The following DAPK1 variants were observed in gnomAD, a reference collection of about 807,000 sequenced individuals.
DAPK1 encodes death associated protein kinase 1.
Under a neutral mutation model 144.9 loss-of-function variants are expected in DAPK1, and 56 were observed. The observed-to-expected ratio is 0.39, with a 90% CI of 0.31 to 0.48. DAPK1 has a LOEUF of 0.48. DAPK1 is among the 20% of genes least tolerant of loss of function. The probability of loss-of-function intolerance (pLI) is 0.95; values close to 1 mark genes in which losing one functional copy is unlikely to be tolerated. For missense variants in DAPK1, 1,454 were observed against 1,875.4 expected (o/e 0.78, Z 4.15); for synonymous variants, 690 against 749.0 (o/e 0.92, Z 1.29).
At chr9:87,563,336 A>G (rs542967604) in intron 2 of DAPK1, among the ~76,000 whole-genome samples, 1 of 152,316 alleles carries the variant, frequency 6.6e-6, no homozygotes, top group Non-Finnish European at 1.5e-5. Flanking sequence ...AGCTCCTTGA[A>G]TGCTTTTGAA....
chr9:87,659,705 C>T (rs1190279421), intron 18 of DAPK1, among the ~76,000 whole-genome samples: 1 of 152,180 alleles, frequency 6.6e-6, no homozygotes, highest in Non-Finnish European at 1.5e-5. Context: ...TGCTCTCCCG[C>T]TTGCCACCGC....
chr9:87,668,441 A>C (rs1587828938), intron 18 of DAPK1, 156 bp from the exon 19 acceptor site: 2 of 663,822 alleles, frequency 3.0e-6, no homozygotes, highest in Admixed American at 4.7e-5. Flanking sequence ...AGGATTGCAC[A>C]GCCAGAGAAA....
intron 21 of DAPK1, among the ~76,000 whole-genome samples, chr9:87,689,737 C>A (rs1298722189): frequency 6.6e-6 from 1 of 152,096 alleles, no homozygotes; most frequent in African/African-American, 2.4e-5. Context: ...ATTCTGTTTT[C>A]CCAGCAGCGT....
intron 2 of DAPK1, among the ~76,000 whole-genome samples, chr9:87,572,234 C>T (rs778541913): frequency 2.0e-5 from 3 of 152,202 alleles, no homozygotes; most frequent in Non-Finnish European, 4.4e-5. Flanking sequence ...TTAACACTTT[C>T]AATCCTCATA....
rs1826767977 is a variant in DAPK1 at position 87,557,667 on chromosome 9, G to A, written c.63-47287G>A. On this transcript the variant is annotated intron_variant, in intron 2 of 25. Coordinates refer to ENST00000408954, the MANE Select transcript of DAPK1 (RefSeq NM_004938.4). ...AAAAATACCTAATCCTTGGCAGGGCGCGGTAGCTTATGCTTATAATCACAG... is the reference window on the plus strand; with the variant it reads ...AAAAATACCTAATCCTTGGCAGGGCACGGTAGCTTATGCTTATAATCACAG... Among the ~76,000 whole-genome samples, 5 of 152,308 alleles carry A rather than the reference G, an allele frequency of 3.3e-5. No individual in the cohort carries two copies. The South Asian group carries it at 1.0e-3, about 32-fold the overall frequency.
chr9:87,605,527 C>CT (rs2118962320), intron 3 of DAPK1, among the ~76,000 whole-genome samples: 1 of 147,966 alleles, frequency 6.8e-6, no homozygotes, highest in South Asian at 2.2e-4. Context: ...CACTCTATTC[C>CT]TTTCCTCTCT....
intron 17 of DAPK1, among the ~76,000 whole-genome samples, chr9:87,652,243 C>T: frequency 7.8e-6 from 1 of 127,900 alleles, no homozygotes; most frequent in South Asian, 2.8e-4. Flanking sequence ...CACCTGATCC[C>T]AGGTCCTGAT....
intron 18 of DAPK1, among the ~76,000 whole-genome samples, chr9:87,663,121 C>G (rs1206942403): frequency 6.6e-6 from 1 of 152,066 alleles, no homozygotes; most frequent in African/African-American, 2.4e-5. Flanking sequence ...GGGACCTGAA[C>G]AAGTCTGCAC....
intron 17 of DAPK1, among the ~76,000 whole-genome samples, chr9:87,654,639 G>T (rs1261893929): frequency 6.6e-6 from 1 of 152,194 alleles, no homozygotes; most frequent in African/African-American, 2.4e-5. Context: ...AGTGTAATAT[G>T]AAGTAGCATC....
chr9:87,517,972 T>C (rs996665037), intron 2 of DAPK1, among the ~76,000 whole-genome samples: 4 of 152,144 alleles, frequency 2.6e-5, no homozygotes, highest in African/African-American at 9.7e-5. Flanking sequence ...CCAGTGATCA[T>C]GGGTGCCTGG....
chr9:87,687,848 G>A lies in DAPK1; in HGVS notation c.2413+1109G>A, dbSNP rs180865198. 7.0e-4 allele frequency among the ~76,000 whole-genome samples: 107 copies of A among 152,028 alleles called. 1 individual carries two copies. The highest frequency in any genetic ancestry group is 5.4e-3 in the East Asian group (28 of 5,176). ...TTTAATAATAGCCATTCTGATTGGT[G>A]TAAGAGGGTGTCTCACTGTGGTTTT... On this transcript the variant is annotated intron_variant, in intron 21 of 25. Transcript: ENST00000408954.
In DAPK1 at chr9:87,707,174, A is replaced by C; in HGVS notation, c.4103A>C (p.Tyr1368Ser). The change falls in exon 26 of 26, where the codon TAC becomes TCC. Residue 1368 changes from tyrosine (Y) to serine (S), a missense_variant. Tyr to Ser is a moderately radical substitution (Grantham distance 144, BLOSUM62 -2). This residue lies in a region of DAPK1 where 1,025 missense variants were observed against 1,237.9 expected (regional missense o/e 0.83). Transcript: ENST00000408954. The surrounding 1 kb of genome is among the most constrained non-coding windows in gnomAD (Gnocchi z 4.0). Reference protein sequence around the residue: ...LHALLREWTTYPESTVGTLMS... With the variant: ...LHALLREWTTSPESTVGTLMS... ...GCCCTGCTGCGGGAATGGACCACCT[A>C]CCCTGAGAGCACAGTGGGCACCCTC... 1 of 1,613,910 alleles carries C rather than the reference A, an allele frequency of 6.2e-7. No individual in the cohort carries two copies. The highest frequency in any genetic ancestry group is 1.7e-5 in the Admixed American group (1 of 60,014).
chr9:87,690,867 C>T (rs1046662185), intron 21 of DAPK1, among the ~76,000 whole-genome samples: 1 of 151,760 alleles, frequency 6.6e-6, no homozygotes, highest in Non-Finnish European at 1.5e-5. Context: ...TCCTTGCATC[C>T]CTGATTGTGG....
At chr9:87,518,204 C>T (rs1403727477) in intron 2 of DAPK1, among the ~76,000 whole-genome samples, 27 of 150,968 alleles carry the variant, frequency 1.8e-4, no homozygotes, top group East Asian at 7.8e-4. Flanking sequence ...CTCCACCTCC[C>T]GGGTTCAAGC....
intron 18 of DAPK1, among the ~76,000 whole-genome samples, chr9:87,666,216 G>C (rs965612015): frequency 1.3e-5 from 2 of 152,142 alleles, no homozygotes; most frequent in Non-Finnish European, 2.9e-5. Context: ...AACCTGTGCA[G>C]GGAGGGTGCC....
chr9:87,498,079 AGGG>A lies in DAPK1; in HGVS notation c.-136_-134del. 2.5e-6 allele frequency: 1 copy of A among 397,414 alleles called. No individual in the cohort carries two copies. Among genetic ancestry groups the A allele is most frequent in the Non-Finnish European group, 4.4e-6 (1 of 225,466 alleles). The allele number at this position is 397,414 out of a possible 1,614,324, so 24.6% of individuals were successfully genotyped here. A position where few individuals can be genotyped will look rare whatever the true frequency, so the allele number is the denominator to read the frequency against. On this transcript the variant is annotated 5_prime_UTR_variant, in exon 1 of 26. Coordinates refer to ENST00000408954, the MANE Select transcript of DAPK1 (RefSeq NM_004938.4). ...TGGTCGGCCTCCGACAGCGCTCCGG[AGGG>A]ACCGGGGGAGCTCCCAGGCGCCCGG...
chr9:87,661,923 CTGAGTTTTCCT>C (rs1420540773), intron 18 of DAPK1, among the ~76,000 whole-genome samples: 1 of 152,160 alleles, frequency 6.6e-6, no homozygotes, highest in Non-Finnish European at 1.5e-5. Context: ...AAAGTTTTCC[CTGAGTTTTCCT>C]TCAGTATTTT....
At chr9:87,573,014 A>C (rs1422617934) in intron 2 of DAPK1, among the ~76,000 whole-genome samples, 1 of 152,158 alleles carries the variant, frequency 6.6e-6, no homozygotes, top group African/African-American at 2.4e-5. Flanking sequence ...TGAAGACAGG[A>C]GTTTCGCTTA....
Position 87,647,319 on chromosome 9 carries a change from C to T in DAPK1, c.1245C>T (p.Ala415=), listed in dbSNP as rs565933339. ...TTTTCCTGCAGGGCGGGTCCAATGC[C>T]GTCTACTGGGCTGCTCGGCATGGCC... ...IDVQDKGGSN[A]VYWAARHGHV... The change falls in exon 14 of 26, where the codon GCC becomes GCT. Residue 415 remains alanine (A), a synonymous_variant. Transcript: ENST00000408954. 234 of 1,614,142 alleles carry T rather than the reference C, an allele frequency of 1.4e-4. No individual in the cohort carries two copies. Among genetic ancestry groups the T allele is most frequent in the East Asian group, 7.4e-4 (33 of 44,874 alleles).
Sources: gnomAD v4.1 joint callset for allele counts (sites outside exome capture counted in the v4.1 genomes callset) on GRCh38, gnomAD v4.1.1 for gene constraint, gnomAD v4.1.1 regional missense constraint, Gnocchi (gnomAD v3.1) non-coding constraint, MANE v1.5 for transcripts, NCBI Gene and HGNC (gene_info 2026-07-23, HGNC 2026-07-21) for gene names.